PTPRD: variants seen among roughly 807,000 people sequenced by gnomAD.
PTPRD encodes the protein receptor-type tyrosine-protein phosphatase delta.
Under a neutral mutation model 214.5 loss-of-function variants are expected in PTPRD, and 34 were observed. The ratio of observed to expected loss-of-function variants is 0.16; its 90% CI spans 0.12 to 0.21. PTPRD has a LOEUF of 0.21. Among genes scored for constraint, PTPRD ranks in the 10% least tolerant of loss-of-function variants. The pLI, the probability that PTPRD is intolerant of heterozygous loss-of-function variation, is 1.00. For synonymous variants in PTPRD, 1,128 were observed against 845.7 expected (o/e 1.33, Z -5.79); for missense variants, 2,545 against 2,398.7 (o/e 1.06, Z -1.27).
At chr9:9,059,254 G>A (rs1322726285) in intron 10 of PTPRD, among the ~76,000 whole-genome samples, 1 of 152,174 alleles carries the variant, frequency 6.6e-6, no homozygotes, top group East Asian at 1.9e-4. Context: ...CACAGGGCTG[G>A]CAGACAGCCA....
At position 9,945,123 on chromosome 9, in the gene PTPRD, G is replaced by A. The variant is rs568328399; in HGVS notation, c.-471-6513C>T. Reference sequence around the variant, plus strand: ...GTATAGTTTTAGATCTATGTAAGAGGTTACCATTTTTCAGTTAAAGTTGAT... The same window carrying A: ...GTATAGTTTTAGATCTATGTAAGAGATTACCATTTTTCAGTTAAAGTTGAT... On this transcript the variant is annotated intron_variant, in intron 4 of 45. Coordinates refer to ENST00000381196, the MANE Select transcript of PTPRD (RefSeq NM_002839.4). 4.3e-4 allele frequency among the ~76,000 whole-genome samples: 66 copies of A among 152,172 alleles called. 1 individual carries two copies. Among genetic ancestry groups the A allele is most frequent in the Admixed American group, 8.5e-4 (13 of 15,260 alleles).
chr9:8,413,372 T>C (rs1372077107), intron 35 of PTPRD, among the ~76,000 whole-genome samples: 3 of 152,150 alleles, frequency 2.0e-5, no homozygotes, highest in Non-Finnish European at 2.9e-5. Context: ...CATTTTCTGA[T>C]TCAGAAAGAG....
intron 3 of PTPRD, among the ~76,000 whole-genome samples, chr9:10,172,611 G>C (rs1034200618): frequency 3.9e-5 from 6 of 152,140 alleles, no homozygotes; most frequent in Non-Finnish European, 5.9e-5. Context: ...CCTATTCATA[G>C]CTGACTCTTC....
chr9:10,482,938 T>C (rs78155946), intron 2 of PTPRD, among the ~76,000 whole-genome samples: 3,379 of 152,164 alleles, frequency 0.022, 121 homozygotes, highest in African/African-American at 0.077. Flanking sequence ...AAAGATAATC[T>C]TGAAATTCAT....
chr9:10,366,103 T>C (rs1365704701), intron 2 of PTPRD, among the ~76,000 whole-genome samples: 1 of 152,136 alleles, frequency 6.6e-6, no homozygotes, highest in Non-Finnish European at 1.5e-5. Flanking sequence ...GTGGTCCCAA[T>C]GTAGGTGGTT....
intron 10 of PTPRD, among the ~76,000 whole-genome samples, chr9:9,157,430 A>C (rs1018362384): frequency 6.6e-6 from 1 of 152,140 alleles, no homozygotes; most frequent in Non-Finnish European, 1.5e-5. Context: ...TAAAAAATAA[A>C]TGTCATTACA....
chr9:9,232,882 C>T (rs1007458194), intron 9 of PTPRD, among the ~76,000 whole-genome samples: 12 of 152,106 alleles, frequency 7.9e-5, no homozygotes, highest in African/African-American at 2.9e-4. Context: ...CAAGGCCAGT[C>T]ATAAAAACTA....
At chr9:9,978,529 T>A (rs965841850) in intron 4 of PTPRD, among the ~76,000 whole-genome samples, 1 of 151,766 alleles carries the variant, frequency 6.6e-6, no homozygotes, top group Admixed American at 6.6e-5. Flanking sequence ...AGGTAAAATT[T>A]AAAAAATAAA....
chr9:9,885,526 T>A (rs113400785), intron 5 of PTPRD, among the ~76,000 whole-genome samples: 1 of 152,008 alleles, frequency 6.6e-6, no homozygotes, highest in Admixed American at 6.6e-5. Flanking sequence ...CAAACGGACT[T>A]TGCAGATTTG....
At chr9:8,471,768 C>A (rs1278878570) in intron 30 of PTPRD, among the ~76,000 whole-genome samples, 1 of 152,072 alleles carries the variant, frequency 6.6e-6, no homozygotes, top group Non-Finnish European at 1.5e-5. Context: ...AATACTTACA[C>A]TGAGAACAGT....
chr9:9,398,406 G>T (rs1218999716), intron 8 of PTPRD, among the ~76,000 whole-genome samples: 1 of 152,008 alleles, frequency 6.6e-6, no homozygotes, highest in East Asian at 1.9e-4. Flanking sequence ...CTCTGAAATA[G>T]GAGATGTCCA....
chr9:9,101,166 CA>C (rs935804335), intron 10 of PTPRD, among the ~76,000 whole-genome samples: 5 of 150,640 alleles, frequency 3.3e-5, no homozygotes, highest in Admixed American at 3.3e-4. Flanking sequence ...TAATGATCAG[CA>C]AAACAAAACA....
At chr9:9,077,249 T>G (rs1217313324) in intron 10 of PTPRD, among the ~76,000 whole-genome samples, 1 of 151,874 alleles carries the variant, frequency 6.6e-6, no homozygotes, top group Non-Finnish European at 1.5e-5. Context: ...AAATATTTTC[T>G]TCCATTCTGT....
At chr9:9,095,727 T>C (rs1391530593) in intron 10 of PTPRD, among the ~76,000 whole-genome samples, 1 of 152,162 alleles carries the variant, frequency 6.6e-6, no homozygotes, top group East Asian at 1.9e-4. Context: ...AGAACTACCA[T>C]ATGACTCAGT....
At chr9:8,695,645 T>G (rs1314431372) in intron 12 of PTPRD, among the ~76,000 whole-genome samples, 1 of 152,174 alleles carries the variant, frequency 6.6e-6, no homozygotes, top group Non-Finnish European at 1.5e-5. Flanking sequence ...TATTCTATTT[T>G]CTCATCTATA....
chr9:9,681,866 G>T (rs1176371684), intron 7 of PTPRD, among the ~76,000 whole-genome samples: 6 of 151,800 alleles, frequency 4.0e-5, no homozygotes, highest in Admixed American at 3.9e-4. Flanking sequence ...TCAGAACATA[G>T]AATCTGTTGA....
intron 14 of PTPRD, among the ~76,000 whole-genome samples, chr9:8,567,269 G>T (rs1454182117): frequency 6.6e-6 from 1 of 152,148 alleles, no homozygotes; most frequent in Non-Finnish European, 1.5e-5. Context: ...TATTGCTTCT[G>T]CCTCAAATAT....
intron 3 of PTPRD, among the ~76,000 whole-genome samples, chr9:10,087,673 T>A (rs777079042): frequency 6.6e-6 from 1 of 151,672 alleles, no homozygotes. Context: ...TCATCTTGCT[T>A]TGAAGGTGGA....
chr9:9,911,834 T>C (rs1268903371), intron 5 of PTPRD, among the ~76,000 whole-genome samples: 1 of 152,124 alleles, frequency 6.6e-6, no homozygotes. Context: ...CCTGTGGTGA[T>C]GTTGTTTAAT....
Sources: gnomAD v4.1 joint callset for allele counts (sites outside exome capture counted in the v4.1 genomes callset) on GRCh38, gnomAD v4.1.1 for gene constraint, MANE v1.5 for transcripts, NCBI Gene and HGNC (gene_info 2026-07-23, HGNC 2026-07-21) for gene names.